HSF2BP: variants seen among roughly 807,000 people sequenced by gnomAD.
The protein encoded by HSF2BP is heat shock transcription factor 2 binding protein, also known as heat shock factor 2-binding protein.
HSF2BP carries 35 observed loss-of-function variants against 35.0 expected under a neutral mutation model. The observed-to-expected ratio is 1.00, with a 90% CI of 0.76 to 1.32. The LOEUF (loss-of-function observed/expected upper bound fraction) is 1.32, where lower values mean the gene tolerates loss of function less well. HSF2BP is among the 40% of genes most tolerant of loss of function. The pLI is 0.00. For missense variants in HSF2BP, 326 were observed against 321.7 expected (o/e 1.01, Z -0.10); for synonymous variants, 114 against 117.4 (o/e 0.97, Z 0.18).
At chr21:43,623,061 C>A (rs535638402) in intron 6 of HSF2BP, among the ~76,000 whole-genome samples, 1 of 151,646 alleles carries the variant, frequency 6.6e-6, no homozygotes, top group African/African-American at 2.4e-5. Flanking sequence ...ACCTGAGTCT[C>A]TCATAGTGCT....
chr21:43,595,680 A>G (rs2081975950), intron 7 of HSF2BP, among the ~76,000 whole-genome samples: 2 of 148,746 alleles, frequency 1.3e-5, no homozygotes, highest in South Asian at 4.3e-4. Flanking sequence ...TAAAAATAAT[A>G]ATAATGTTAA....
intron 7 of HSF2BP, among the ~76,000 whole-genome samples, chr21:43,600,703 A>G (rs1221463799): frequency 6.6e-6 from 1 of 152,218 alleles, no homozygotes; most frequent in African/African-American, 2.4e-5. Context: ...TTATGTTACA[A>G]TGAAGACATA....
chr21:43,587,493 G>A (rs979389312), intron 8 of HSF2BP, among the ~76,000 whole-genome samples: 4 of 151,624 alleles, frequency 2.6e-5, no homozygotes, highest in South Asian at 2.1e-4. Context: ...TGGAGAAACC[G>A]CATCTCTATT....
chr21:43,613,778 C>T, intron 7 of HSF2BP, 52 bp downstream of exon 7: 1 of 1,202,494 alleles, frequency 8.3e-7, no homozygotes, highest in Non-Finnish European at 1.2e-6. Context: ...CCAATCAGCA[C>T]AGTCTAATTA....
chr21:43,632,235 TCACA>T (rs148478106), intron 5 of HSF2BP, among the ~76,000 whole-genome samples: 3 of 32,350 alleles, frequency 9.3e-5, no homozygotes, highest in African/African-American at 1.6e-4. Flanking sequence ...ATACACAGGC[TCACA>T]CACACACACA....
At chr21:43,639,608 T>A (rs1442356989) in intron 4 of HSF2BP, among the ~76,000 whole-genome samples, 1 of 152,102 alleles carries the variant, frequency 6.6e-6, no homozygotes, top group Non-Finnish European at 1.5e-5. Context: ...CCTATCAAAA[T>A]GACTAAAATT....
At chr21:43,595,627 C>T (rs941693136) in intron 7 of HSF2BP, among the ~76,000 whole-genome samples, 2 of 151,288 alleles carry the variant, frequency 1.3e-5, no homozygotes, top group African/African-American at 2.4e-5. Context: ...TACTACACTC[C>T]AGCCTGTGTG....
At chr21:43,585,950 A>C (rs1373283244) in intron 8 of HSF2BP, among the ~76,000 whole-genome samples, 1 of 152,236 alleles carries the variant, frequency 6.6e-6, no homozygotes, top group Non-Finnish European at 1.5e-5. Flanking sequence ...TCAATCTATG[A>C]GGCTAGAGCT....
chr21:43,605,240 C>A (rs963871703), intron 7 of HSF2BP, among the ~76,000 whole-genome samples: 2 of 147,906 alleles, frequency 1.4e-5, no homozygotes, highest in African/African-American at 5.0e-5. Flanking sequence ...CAGACACACA[C>A]CACACACCAC....
intron 5 of HSF2BP, among the ~76,000 whole-genome samples, chr21:43,630,780 A>G (rs778150432): frequency 6.6e-6 from 1 of 152,210 alleles, no homozygotes; most frequent in African/African-American, 2.4e-5. Context: ...TGCTCTGGGC[A>G]TTAAACCAGA....
chr21:43,621,749 C>T (rs369082092), intron 6 of HSF2BP, among the ~76,000 whole-genome samples: 107 of 151,890 alleles, frequency 7.0e-4, no homozygotes, highest in African/African-American at 2.5e-3. Context: ...GTTCCTCAAA[C>T]TGAAAGAAAA....
chr21:43,458,283 C>A, the HSF2BP span, among the ~76,000 whole-genome samples: 1 of 12,298 alleles, frequency 8.1e-5, no homozygotes, highest in Non-Finnish European at 1.4e-4. Flanking sequence ...CCAAAACGCC[C>A]TGTGAGCTCT....
intron 6 of HSF2BP, among the ~76,000 whole-genome samples, chr21:43,616,788 G>A (rs977419650): frequency 5.3e-5 from 8 of 151,994 alleles, no homozygotes; most frequent in Non-Finnish European, 8.8e-5. Flanking sequence ...AAAATTAGCC[G>A]GGCGCGGTGG....
chr21:43,624,927 A>T (rs2082371767), intron 6 of HSF2BP, among the ~76,000 whole-genome samples: 1 of 152,124 alleles, frequency 6.6e-6, no homozygotes, highest in Non-Finnish European at 1.5e-5. Flanking sequence ...TTCAGTAGAA[A>T]ATTCACAATA....
chr21:43,596,298 TATAAGA>T (rs1282977224), intron 7 of HSF2BP, among the ~76,000 whole-genome samples: 26 of 152,138 alleles, frequency 1.7e-4, no homozygotes, highest in Admixed American at 7.2e-4. Context: ...AGTACATCTC[TATAAGA>T]ATAAGTCAAA....
In HSF2BP at chr21:43,635,078, C is replaced by CA. The variant is rs367853157; in HGVS notation, c.292-1658dup. On this transcript the variant is annotated intron_variant, in intron 4 of 8. Coordinates refer to ENST00000291560, the MANE Select transcript of HSF2BP (RefSeq NM_007031.2). ...GGTTCCACACATAGTATAATAATAT[C>CA]AAAAAAAAAACAAACAAACCTCAAA... Among the ~76,000 whole-genome samples, 1,056 of 145,394 alleles carry CA rather than the reference C, an allele frequency of 7.3e-3. 4 individuals carry two copies. The highest frequency in any genetic ancestry group is 0.021 in the Middle Eastern group (6 of 290).
At position 43,633,286 on chromosome 21, in the gene HSF2BP, C is replaced by T. The variant is rs1395172385; in HGVS notation, c.427G>A (p.Ala143Thr). Residue 143 changes from alanine (A) to threonine (T), a missense_variant, in exon 5 of 9, where the codon GCC (alanine) becomes ACC (threonine). Ala to Thr is a moderately conservative substitution (Grantham distance 58, BLOSUM62 0). Transcript: ENST00000291560. ...ACCATACTTACTCCTCCCAAAATGG[C>T]CTTGACGACTTCCTCACTGCTGGAG... Reference protein sequence around the residue: ...GVSSSEEVVKAILGGDKALKF... With the variant: ...GVSSSEEVVKTILGGDKALKF... 5 of 1,612,606 alleles carry T rather than the reference C, an allele frequency of 3.1e-6. No individual in the cohort carries two copies. The highest frequency in any genetic ancestry group is 4.2e-6 in the Non-Finnish European group (5 of 1,179,604).
At chr21:43,581,577 A>C (rs1471439935) in intron 8 of HSF2BP, among the ~76,000 whole-genome samples, 2 of 152,158 alleles carry the variant, frequency 1.3e-5, no homozygotes, top group Non-Finnish European at 2.9e-5. Context: ...CAACACAGAT[A>C]AATTTTCTCC....
intron 8 of HSF2BP, among the ~76,000 whole-genome samples, chr21:43,581,542 T>C (rs921225009): frequency 6.6e-6 from 1 of 152,160 alleles, no homozygotes; most frequent in African/African-American, 2.4e-5. Flanking sequence ...CAGGTCAGCA[T>C]TTATGTCTTG....
Sources: allele counts gnomAD v4.1 joint callset (sites outside exome capture counted in the v4.1 genomes callset), GRCh38; gene constraint gnomAD v4.1.1; transcripts MANE v1.5; gene names NCBI Gene and HGNC (gene_info 2026-07-23, HGNC 2026-07-21).